Variants in SOX5 observed in about 807,000 individuals in gnomAD.
SOX5 encodes the protein SRY-box transcription factor 5, also known as transcription factor SOX-5.
A neutral mutation model predicts 92.0 loss-of-function variants in SOX5; 9 were observed. That is an observed-to-expected ratio of 0.10 (90% CI 0.06 to 0.17). The LOEUF (loss-of-function observed/expected upper bound fraction) is 0.17. Ranked by LOEUF, SOX5 falls within the 10% of genes least tolerant of loss-of-function variation. The probability of loss-of-function intolerance (pLI) is 1.00; values close to 1 mark genes in which losing one functional copy is unlikely to be tolerated. For synonymous variants in SOX5, 344 were observed against 336.3 expected (o/e 1.02, Z -0.25); for missense variants, 642 against 944.5 (o/e 0.68, Z 4.20).
intron 1 of SOX5, among the ~76,000 whole-genome samples, chr12:24,526,050 C>A (rs1950680857): frequency 6.6e-6 from 1 of 151,890 alleles, no homozygotes; most frequent in Non-Finnish European, 1.5e-5. Flanking sequence ...TTTGTACTTT[C>A]TGTAGAGACA....
chr12:23,562,490 TTTCTC>T (rs1946382828), intron 11 of SOX5, among the ~76,000 whole-genome samples: 3 of 152,232 alleles, frequency 2.0e-5, no homozygotes, highest in Admixed American at 2.0e-4. Context: ...CTGATCATTT[TTTCTC>T]TTATCTACTG....
intron 1 of SOX5, among the ~76,000 whole-genome samples, chr12:23,913,194 AT>A (rs1047929076): frequency 3.9e-5 from 6 of 152,190 alleles, no homozygotes; most frequent in South Asian, 4.1e-4. Context: ...CAAATATAAA[AT>A]TTTTTTATGA....
At chr12:23,895,143 T>G (rs1164691052) in intron 2 of SOX5, among the ~76,000 whole-genome samples, 1 of 145,214 alleles carries the variant, frequency 6.9e-6, no homozygotes, top group East Asian at 2.0e-4. Context: ...TCTTCTACAG[T>G]GATCCAGACC....
intron 8 of SOX5, among the ~76,000 whole-genome samples, chr12:23,605,275 C>G (rs1592500703): frequency 6.6e-6 from 1 of 151,928 alleles, no homozygotes; most frequent in South Asian, 2.1e-4. Flanking sequence ...AAAAATTTTA[C>G]TTTGATAATG....
chr12:23,589,606 T>C (rs941021884), intron 9 of SOX5, among the ~76,000 whole-genome samples: 2 of 152,114 alleles, frequency 1.3e-5, no homozygotes. Flanking sequence ...AAGTAAGGCA[T>C]AGTTCACTAT....
chr12:24,225,137 C>T (rs1038781703), intron 3 of SOX5, among the ~76,000 whole-genome samples: 3 of 152,134 alleles, frequency 2.0e-5, no homozygotes, highest in African/African-American at 7.2e-5. Context: ...AAGTATAAAC[C>T]TCATTGTGAC....
At chr12:24,274,229 A>G (rs925174202) in intron 3 of SOX5, among the ~76,000 whole-genome samples, 2 of 152,154 alleles carry the variant, frequency 1.3e-5, no homozygotes, top group African/African-American at 2.4e-5. Context: ...TATCACTGCT[A>G]TTATACAGTT....
At chr12:23,629,833 A>C (rs1358737234) in intron 8 of SOX5, among the ~76,000 whole-genome samples, 1 of 151,960 alleles carries the variant, frequency 6.6e-6, no homozygotes, top group Non-Finnish European at 1.5e-5. Flanking sequence ...TATAATGCTT[A>C]GCTCAATAGC....
intron 4 of SOX5, among the ~76,000 whole-genome samples, chr12:24,061,731 C>T (rs12810574): frequency 0.11 from 15,804 of 143,018 alleles, 915 homozygotes; most frequent in South Asian, 0.13. Flanking sequence ...ATACCTATTG[C>T]TTCAATATGA....
At chr12:24,011,815 T>A (rs935790263) in intron 4 of SOX5, among the ~76,000 whole-genome samples, 46 of 152,328 alleles carry the variant, frequency 3.0e-4, no homozygotes, top group African/African-American at 1.1e-3. Flanking sequence ...AAATGACACT[T>A]ATACTAGGAG....
intron 3 of SOX5, among the ~76,000 whole-genome samples, chr12:24,261,268 T>C (rs903771951): frequency 1.3e-5 from 2 of 152,170 alleles, no homozygotes; most frequent in East Asian, 1.9e-4. Context: ...GTGACTAAAA[T>C]TTTTAGCAGA....
intron 9 of SOX5, among the ~76,000 whole-genome samples, chr12:23,583,888 T>C (rs542553115): frequency 6.6e-6 from 1 of 152,086 alleles, no homozygotes; most frequent in African/African-American, 2.4e-5. Flanking sequence ...AAGATTTGTA[T>C]ACAAACATAA....
At chr12:24,047,163 A>G (rs1957123289) in intron 4 of SOX5, among the ~76,000 whole-genome samples, 1 of 152,190 alleles carries the variant, frequency 6.6e-6, no homozygotes, top group African/African-American at 2.4e-5. Flanking sequence ...GAAAGAAAAC[A>G]TTTCAGTGTC....
At chr12:24,133,826 A>C (rs1196829431) in intron 4 of SOX5, among the ~76,000 whole-genome samples, 3 of 152,180 alleles carry the variant, frequency 2.0e-5, no homozygotes, top group Non-Finnish European at 2.9e-5. Context: ...AAGAAAACAG[A>C]CAGCCAGAGA....
At chr12:24,428,631 T>C (rs1423009747) in intron 1 of SOX5, among the ~76,000 whole-genome samples, 1 of 140,492 alleles carries the variant, frequency 7.1e-6, no homozygotes, top group Non-Finnish European at 1.5e-5. Flanking sequence ...AAATTAGGCA[T>C]GGTGGCACAT....
intron 1 of SOX5, among the ~76,000 whole-genome samples, chr12:24,474,782 C>T (rs1272915928): frequency 2.6e-5 from 4 of 151,994 alleles, no homozygotes; most frequent in Admixed American, 2.0e-4. Flanking sequence ...GTGATCCACC[C>T]GCCTCAGCCT....
chr12:23,738,681 G>C (rs1400810819), intron 5 of SOX5, among the ~76,000 whole-genome samples: 1 of 152,158 alleles, frequency 6.6e-6, no homozygotes, highest in East Asian at 1.9e-4. Flanking sequence ...TCATTGCTTA[G>C]ATCTTTCAGG....
At chr12:23,563,993 A>G (rs1313894203) in intron 10 of SOX5, among the ~76,000 whole-genome samples, 1 of 152,156 alleles carries the variant, frequency 6.6e-6, no homozygotes, top group Non-Finnish European at 1.5e-5. Flanking sequence ...ATTGATGCAA[A>G]CTTGTAATAG....
intron 4 of SOX5, among the ~76,000 whole-genome samples, chr12:23,754,345 CA>C (rs1228914093): frequency 6.6e-6 from 1 of 151,834 alleles, no homozygotes. Flanking sequence ...TCTTATGCCT[CA>C]GGGGTAAATG....
Sources: gnomAD v4.1 joint callset for allele counts (sites outside exome capture counted in the v4.1 genomes callset) on GRCh38, gnomAD v4.1.1 for gene constraint, MANE v1.5 for transcripts, NCBI Gene and HGNC (gene_info 2026-07-23, HGNC 2026-07-21) for gene names.